COP1: variants seen among roughly 807,000 people sequenced by gnomAD.
The protein encoded by COP1 is COP1 E3 ubiquitin ligase, also known as E3 ubiquitin-protein ligase COP1.
COP1 carries 24 observed loss-of-function variants against 101.3 expected under a neutral mutation model. The observed-to-expected ratio is 0.24, with a 90% CI of 0.17 to 0.33. COP1 has a LOEUF of 0.33. Among genes scored for constraint, COP1 ranks in the 10% least tolerant of loss-of-function variants. The probability of loss-of-function intolerance (pLI) is 1.00; values close to 1 mark genes in which losing one functional copy is unlikely to be tolerated. For synonymous variants in COP1, 347 were observed against 341.9 expected (o/e 1.01, Z -0.17); for missense variants, 663 against 906.2 (o/e 0.73, Z 3.45).
chr1:176,162,184 G>A (rs1381862766), intron 5 of COP1, among the ~76,000 whole-genome samples: 2 of 152,096 alleles, frequency 1.3e-5, no homozygotes, highest in Non-Finnish European at 2.9e-5. Flanking sequence ...TCAAAGTTTG[G>A]TGGTTCAACT....
At chr1:176,130,069 G>A (rs1033943015) in intron 8 of COP1, among the ~76,000 whole-genome samples, 3 of 151,412 alleles carry the variant, frequency 2.0e-5, no homozygotes, top group African/African-American at 2.4e-5. Flanking sequence ...TCCATATAAC[G>A]TCCACCCAGT....
chr1:176,084,577 C>A (rs1396994707), intron 10 of COP1, among the ~76,000 whole-genome samples: 2 of 152,138 alleles, frequency 1.3e-5, no homozygotes, highest in African/African-American at 4.8e-5. Flanking sequence ...TACACAAGCA[C>A]AATAAGGGGC....
intron 18 of COP1, among the ~76,000 whole-genome samples, chr1:175,968,758 AAAC>A (rs1652630094): frequency 6.6e-6 from 1 of 152,244 alleles, no homozygotes; most frequent in Non-Finnish European, 1.5e-5. Context: ...TTTAGATACA[AAAC>A]AACACATACA....
chr1:176,046,109 T>C (rs997713002), intron 12 of COP1, 72 bp downstream of exon 12: 14 of 1,246,188 alleles, frequency 1.1e-5, no homozygotes, highest in Admixed American at 2.3e-5. Context: ...AAAGGTAAAA[T>C]AATCTCATGA....
chr1:175,967,723 A>G (rs1652342867), intron 18 of COP1, among the ~76,000 whole-genome samples: 1 of 152,172 alleles, frequency 6.6e-6, no homozygotes, highest in Non-Finnish European at 1.5e-5. Context: ...AATTACATAA[A>G]CTGGATTTTG....
At chr1:176,008,673 T>C (rs1013064637) in intron 15 of COP1, among the ~76,000 whole-genome samples, 14 of 152,166 alleles carry the variant, frequency 9.2e-5, no homozygotes, top group African/African-American at 2.9e-4. Flanking sequence ...TGGAAAATAC[T>C]ATGTGGCAAC....
chr1:176,028,291 A>G (rs981089006), intron 14 of COP1, among the ~76,000 whole-genome samples: 2 of 152,078 alleles, frequency 1.3e-5, no homozygotes, highest in Non-Finnish European at 2.9e-5. Flanking sequence ...AAGGTCGGGC[A>G]CAGTGGCTCA....
intron 15 of COP1, among the ~76,000 whole-genome samples, chr1:176,011,256 C>T (rs1664607698): frequency 6.6e-6 from 1 of 152,160 alleles, no homozygotes; most frequent in African/African-American, 2.4e-5. Flanking sequence ...CTTACTTTCT[C>T]AGTAGAACCA....
Position 176,207,052 on chromosome 1 carries a change from C to A in COP1, c.-74G>T. 1 of 1,248,612 alleles carries A rather than the reference C, an allele frequency of 8.0e-7. No homozygotes were observed. The highest frequency in any genetic ancestry group is 1.0e-6 in the Non-Finnish European group (1 of 968,966). 77.3% of individuals were successfully genotyped at this position (1,248,612 alleles called of 1,614,324 possible). ...CCTCGACCCTCCGCCGCCTCCCCTC[C>A]CCTCAGCCTCAGTGCATCCTGAGGA... On this transcript the variant is annotated 5_prime_UTR_variant, in exon 1 of 20. Transcript: ENST00000367669.
At chr1:176,036,581 AT>A (rs1336288319) in intron 14 of COP1, among the ~76,000 whole-genome samples, 1 of 151,572 alleles carries the variant, frequency 6.6e-6, no homozygotes, top group Non-Finnish European at 1.5e-5. Context: ...ACAGTCCCCA[AT>A]TTAAATAGCT....
At chr1:176,030,030 C>G (rs1033069396) in intron 14 of COP1, among the ~76,000 whole-genome samples, 1 of 152,090 alleles carries the variant, frequency 6.6e-6, no homozygotes, top group East Asian at 1.9e-4. Flanking sequence ...TAGCTCACTG[C>G]AGCCTTGGAC....
chr1:176,023,294 T>C (rs998809780), intron 15 of COP1, among the ~76,000 whole-genome samples: 2 of 151,968 alleles, frequency 1.3e-5, no homozygotes, highest in Non-Finnish European at 2.9e-5. Context: ...CAAAAAGAAA[T>C]GAGAAAATAC....
At chr1:176,033,884 T>C (rs1220216810) in intron 14 of COP1, among the ~76,000 whole-genome samples, 1 of 152,194 alleles carries the variant, frequency 6.6e-6, no homozygotes, top group Non-Finnish European at 1.5e-5. Context: ...ATAAAATAAG[T>C]GATTTAAAAT....
chr1:176,201,190 AC>A (rs1216769575), intron 1 of COP1, among the ~76,000 whole-genome samples: 1 of 152,082 alleles, frequency 6.6e-6, no homozygotes, highest in Non-Finnish European at 1.5e-5. Flanking sequence ...AAATTCGAAA[AC>A]AAAAACCAAA....
chr1:176,102,714 A>G (rs1683624277), intron 9 of COP1, among the ~76,000 whole-genome samples: 1 of 152,246 alleles, frequency 6.6e-6, no homozygotes, highest in African/African-American at 2.4e-5. Flanking sequence ...TTTAGGAGGC[A>G]TGCAGCTGGA....
At chr1:176,152,257 C>T (rs1208669809) in intron 5 of COP1, among the ~76,000 whole-genome samples, 1 of 151,114 alleles carries the variant, frequency 6.6e-6, no homozygotes, top group Non-Finnish European at 1.5e-5. Flanking sequence ...GAGACCTTCT[C>T]TCTCCTAAAA....
chr1:176,018,132 A>T (rs573467627), intron 15 of COP1, among the ~76,000 whole-genome samples: 32 of 152,292 alleles, frequency 2.1e-4, no homozygotes, highest in African/African-American at 7.5e-4. Flanking sequence ...TTAAAGATGC[A>T]CTAATGTTAG....
rs575432987 is a variant in COP1, at chr1:176,018,165, T to C, written c.1729+9407A>G. Among the ~76,000 whole-genome samples the C allele has an allele frequency of 8.9e-4, 135 of 152,324 alleles. 1 individual carries two copies. Among genetic ancestry groups the C allele is most frequent in the Non-Finnish European group, 1.6e-3 (111 of 68,020 alleles). ...TAGCTATTATTATTTACCCTTTACT[T>C]TGTGAATAATCTCTCCAACCCTTAC... is the stretch of plus-strand genomic sequence containing the variant. On this transcript the variant is annotated intron_variant, in intron 15 of 19. Coordinates refer to ENST00000367669, the MANE Select transcript of COP1 (RefSeq NM_022457.7).
intron 10 of COP1, among the ~76,000 whole-genome samples, chr1:176,084,541 C>T (rs1044742040): frequency 2.0e-5 from 3 of 152,104 alleles, no homozygotes; most frequent in Non-Finnish European, 2.9e-5. Context: ...GCCCACATTG[C>T]CAAGAGAATC....
Sources: allele counts gnomAD v4.1 joint callset (sites outside exome capture counted in the v4.1 genomes callset), GRCh38; gene constraint gnomAD v4.1.1; transcripts MANE v1.5; gene names NCBI Gene and HGNC (gene_info 2026-07-23, HGNC 2026-07-21).